Variants in MCUB observed in about 807,000 individuals in gnomAD.
The protein encoded by MCUB is mitochondrial calcium uniporter dominant negative subunit beta.
A neutral mutation model predicts 41.4 loss-of-function variants in MCUB; 46 were observed. The ratio of observed to expected loss-of-function variants is 1.11; its 90% CI spans 0.88 to 1.42. The LOEUF is 1.42. MCUB is among the 40% of genes most tolerant of loss of function. The pLI, the probability that MCUB is intolerant of heterozygous loss-of-function variation, is 0.00. For missense variants in MCUB, 403 were observed against 404.9 expected (o/e 1.00, Z 0.04); for synonymous variants, 148 against 148.2 (o/e 1.00, Z 0.01).
At chr4:109,605,177 C>G (rs1727841732) in intron 1 of MCUB, among the ~76,000 whole-genome samples, 1 of 151,842 alleles carries the variant, frequency 6.6e-6, no homozygotes, top group Non-Finnish European at 1.5e-5. Context: ...GGCTGGGAGG[C>G]TATTACAGCT....
At chr4:109,577,335 A>C (rs1221655098) in intron 1 of MCUB, among the ~76,000 whole-genome samples, 1 of 152,106 alleles carries the variant, frequency 6.6e-6, no homozygotes. Flanking sequence ...TGAAGTCAGC[A>C]CTCCTTTTGT....
intron 1 of MCUB, among the ~76,000 whole-genome samples, chr4:109,587,412 T>C (rs1727334698): frequency 6.6e-6 from 1 of 151,326 alleles, no homozygotes; most frequent in Non-Finnish European, 1.5e-5. Flanking sequence ...CCCTTGTGCT[T>C]CCCGGGTGAG....
chr4:109,642,399 T>G (rs1459736103), intron 1 of MCUB, among the ~76,000 whole-genome samples: 4 of 152,230 alleles, frequency 2.6e-5, no homozygotes, highest in Non-Finnish European at 5.9e-5. Flanking sequence ...GAGATTATTG[T>G]CAGATATGGT....
chr4:109,679,773 C>A (rs576131392), intron 4 of MCUB, among the ~76,000 whole-genome samples: 50 of 151,652 alleles, frequency 3.3e-4, no homozygotes, highest in Non-Finnish European at 5.4e-4. Flanking sequence ...TTCTCTCCCG[C>A]TTTGAGGTAT....
At chr4:109,616,837 A>G (rs1339567189) in intron 1 of MCUB, among the ~76,000 whole-genome samples, 1 of 151,978 alleles carries the variant, frequency 6.6e-6, no homozygotes, top group Non-Finnish European at 1.5e-5. Context: ...GCCCTCTTCC[A>G]AAAAAGCAAG....
intron 1 of MCUB, among the ~76,000 whole-genome samples, chr4:109,614,318 C>T (rs999123189): frequency 1.3e-5 from 2 of 152,026 alleles, no homozygotes; most frequent in African/African-American, 4.8e-5. Flanking sequence ...GTTTGTGTCA[C>T]CATAAATTCA....
intron 1 of MCUB, among the ~76,000 whole-genome samples, chr4:109,627,979 AAG>A (rs986821596): frequency 5.3e-5 from 8 of 151,998 alleles, no homozygotes; most frequent in African/African-American, 1.7e-4. Flanking sequence ...GCCAATAAAA[AAG>A]GGAACATATA....
intron 4 of MCUB, among the ~76,000 whole-genome samples, chr4:109,678,956 G>T (rs757595235): frequency 2.8e-5 from 4 of 145,258 alleles, no homozygotes; most frequent in Admixed American, 2.0e-4. Flanking sequence ...GGGCAGAGGC[G>T]CTCCTCACTT....
Position 109,660,363 on chromosome 4 carries a change from C to G in MCUB, c.344C>G (p.Ala115Gly). The part of the protein sequence containing the change: ...KGIKTAAIFT[A>G]DGNMISASTL... ...ATCAAAACTGCAGCCATCTTCACAG[C>G]AGGTATATATGTATATAATTTTACA... Residue 115 changes from alanine to glycine, a missense_variant and splice_region_variant, in exon 3 of 8, where the codon GCA (alanine) becomes GGA (glycine). Transcript: ENST00000394650. The G allele has an allele frequency of 6.3e-7, 1 of 1,582,654 alleles. No homozygotes were observed. Among genetic ancestry groups the G allele is most frequent in the Non-Finnish European group, 8.7e-7 (1 of 1,152,832 alleles).
intron 2 of MCUB, 53 bp downstream of exon 2, chr4:109,659,139 C>T (rs1285965821): frequency 1.9e-6 from 2 of 1,036,714 alleles, no homozygotes; most frequent in Non-Finnish European, 2.9e-6. Flanking sequence ...TCCCTTTCTT[C>T]CAAATAAAGA....
At chr4:109,587,632 C>T (rs944565878) in intron 1 of MCUB, among the ~76,000 whole-genome samples, 1 of 152,114 alleles carries the variant, frequency 6.6e-6, no homozygotes, top group African/African-American at 2.4e-5. Flanking sequence ...ATTACTTTTA[C>T]AGGTTTGAAA....
At chr4:109,578,606 C>A (rs1413447442) in intron 1 of MCUB, among the ~76,000 whole-genome samples, 4 of 152,052 alleles carry the variant, frequency 2.6e-5, no homozygotes, top group African/African-American at 9.7e-5. Flanking sequence ...CCCAAGCAGT[C>A]CTTCTGCCTC....
intron 1 of MCUB, among the ~76,000 whole-genome samples, chr4:109,568,050 A>G (rs1227117321): frequency 6.6e-6 from 1 of 151,772 alleles, no homozygotes; most frequent in East Asian, 1.9e-4. Context: ...CTAGAGACTG[A>G]CTGTAATGTG....
chr4:109,596,655 C>G (rs1321516072), intron 1 of MCUB, among the ~76,000 whole-genome samples: 3 of 152,062 alleles, frequency 2.0e-5, no homozygotes, highest in Admixed American at 1.3e-4. Context: ...TTCCTCTCTT[C>G]CCTTGACTCG....
chr4:109,655,435 G>C (rs1038489528), intron 1 of MCUB, among the ~76,000 whole-genome samples: 8 of 152,138 alleles, frequency 5.3e-5, no homozygotes, highest in African/African-American at 1.9e-4. Flanking sequence ...AGATGGGACT[G>C]AACATTCTAG....
At chr4:109,656,608 C>G (rs1360888692) in intron 1 of MCUB, among the ~76,000 whole-genome samples, 5 of 151,900 alleles carry the variant, frequency 3.3e-5, no homozygotes, top group African/African-American at 9.7e-5. Context: ...TGGGCTCAAG[C>G]AATCCGTCTG....
At chr4:109,593,353 A>G (rs1302375744) in intron 1 of MCUB, among the ~76,000 whole-genome samples, 1 of 152,226 alleles carries the variant, frequency 6.6e-6, no homozygotes, top group Non-Finnish European at 1.5e-5. Flanking sequence ...AAGATACCCA[A>G]TGTCAGTTAT....
At chr4:109,656,237 T>A (rs2126143621) in intron 1 of MCUB, among the ~76,000 whole-genome samples, 1 of 151,662 alleles carries the variant, frequency 6.6e-6, no homozygotes, top group East Asian at 1.9e-4. Flanking sequence ...ATTTGGTAGG[T>A]AACGTGTAGA....
chr4:109,577,068 T>C (rs1465635500), intron 1 of MCUB, among the ~76,000 whole-genome samples: 1 of 152,212 alleles, frequency 6.6e-6, no homozygotes, highest in African/African-American at 2.4e-5. Context: ...GCCAGGCTGG[T>C]CTTGAACTTC....
Sources: allele counts gnomAD v4.1 joint callset (sites outside exome capture counted in the v4.1 genomes callset), GRCh38; gene constraint gnomAD v4.1.1; transcripts MANE v1.5; gene names NCBI Gene and HGNC (gene_info 2026-07-23, HGNC 2026-07-21).